Variants in ZNF444 observed in about 807,000 individuals in gnomAD.
The protein encoded by ZNF444 is endothelial zinc finger protein 2.
Under a neutral mutation model 14.4 loss-of-function variants are expected in ZNF444, and 8 were observed. The observed-to-expected ratio is 0.56, with a 90% CI of 0.33 to 1.00. The LOEUF (loss-of-function observed/expected upper bound fraction) is 1.00. Among genes scored for constraint, ZNF444 ranks in the 50% least tolerant of loss-of-function variants. ZNF444 has a pLI of 0.03. For synonymous variants in ZNF444, 258 were observed against 235.9 expected, an observed-to-expected ratio of 1.09 and a Z score of -0.86; for missense variants, 510 against 504.8, an observed-to-expected ratio of 1.01 and a Z score of -0.10.
upstream of ZNF444, among the ~76,000 whole-genome samples, chr19:56,138,792 CTTTTTTTTTTT>C (rs59273024): frequency 9.7e-5 from 9 of 92,872 alleles, no homozygotes; most frequent in African/African-American, 3.1e-4. Context: ...CTTGAATGTA[CTTTTTTTTTTT>C]TTTTTTTTTT....
At chr19:56,156,133 G>A (rs1465235294) in intron 3 of ZNF444, 6 of 152,266 alleles carry the variant, frequency 3.9e-5, no homozygotes, top group African/African-American at 1.4e-4. Flanking sequence ...ACAGCCAGAT[G>A]GAGAGCCACG....
intron 1 of ZNF444, among the ~76,000 whole-genome samples, chr19:56,133,342 G>C (rs662763): frequency 0.93 from 141,282 of 151,778 alleles, 66,391 homozygotes; most frequent in Non-Finnish European, 0.99. Flanking sequence ...CAAAGTGCTG[G>C]GATCACAGGC....
chr19:56,152,114 C>CT (rs2031618889), intron 3 of ZNF444, among the ~76,000 whole-genome samples: 2 of 152,178 alleles, frequency 1.3e-5, no homozygotes, highest in Non-Finnish European at 2.9e-5. Context: ...GGCAGATCAC[C>CT]TGAGGTCAGG....
chr19:56,148,344 C>T (rs1395805680), intron 3 of ZNF444, among the ~76,000 whole-genome samples: 1 of 152,132 alleles, frequency 6.6e-6, no homozygotes, highest in Non-Finnish European at 1.5e-5. Flanking sequence ...GCCTGAGTCC[C>T]CAGTGGCAGG....
upstream of ZNF444, among the ~76,000 whole-genome samples, chr19:56,137,074 T>C (rs528354625): frequency 6.7e-6 from 1 of 150,276 alleles, no homozygotes; most frequent in South Asian, 2.2e-4. Context: ...TGAGCCACTG[T>C]GCCCAGCCGA....
Position 56,159,898 on chromosome 19 carries a change from C to A in ZNF444, c.681C>A (p.Asp227Glu). ...AGGAGCACCTGCGGCGCCACCGCGACACGCACCCCGGCAGCCCCGGCAGCC... is the reference window on the plus strand; with the variant it reads ...AGGAGCACCTGCGGCGCCACCGCGAAACGCACCCCGGCAGCCCCGGCAGCC... Reference protein sequence around the residue: ...RRKEHLRRHRDTHPGSPGSPG... With the variant: ...RRKEHLRRHRETHPGSPGSPG... The change falls in exon 5 of 5, where the codon GAC becomes GAA. Residue 227 changes from aspartate to glutamate, a missense_variant. By Grantham distance (45) the Asp-to-Glu change is conservative. Coordinates refer to ENST00000337080, the MANE Select transcript of ZNF444 (RefSeq NM_018337.4). 1 of 1,520,954 alleles carries A rather than the reference C, an allele frequency of 6.6e-7. No individual in the cohort carries two copies. The highest frequency in any genetic ancestry group is 8.8e-7 in the Non-Finnish European group (1 of 1,140,016). 94.2% of individuals were successfully genotyped at this position (1,520,954 alleles called of 1,614,324 possible).
chr19:56,158,718 G>C, intron 4 of ZNF444, 116 bp downstream of exon 4: 2 of 978,192 alleles, frequency 2.0e-6, no homozygotes, highest in African/African-American at 1.7e-5. Flanking sequence ...CCCAGCCCTT[G>C]AGGAGCCCCG....
intron 4 of ZNF444, among the ~76,000 whole-genome samples, chr19:56,158,943 C>T (rs1454028323): frequency 1.3e-5 from 2 of 151,934 alleles, no homozygotes; most frequent in Non-Finnish European, 2.9e-5. Flanking sequence ...ACACCAATCC[C>T]ACCATCCCTC....
chr19:56,142,541 A>G (rs1167696258), intron 1 of ZNF444, among the ~76,000 whole-genome samples: 2 of 152,206 alleles, frequency 1.3e-5, no homozygotes, highest in African/African-American at 2.4e-5. Context: ...GCTGGTAGAC[A>G]TCGTATGTTG....
chr19:56,160,217 C>T lies in ZNF444; in HGVS notation c.*16C>T, dbSNP rs1029603173. 4 of 1,419,958 alleles carry T rather than the reference C, an allele frequency of 2.8e-6. No individual in the cohort carries two copies. Among genetic ancestry groups the T allele is most frequent in the Non-Finnish European group, 3.6e-6 (4 of 1,099,238 alleles). The allele number at this position is 1,419,958 out of a possible 1,614,324, so 88.0% of individuals were successfully genotyped here. On this transcript the variant is annotated 3_prime_UTR_variant, in exon 5 of 5. Transcript: ENST00000337080. ...CTTGGGTTAGCCGCCTCCCGGCCAGCGCCATCTCCCGCCCTTGGTGCTGCC... is the reference window on the plus strand; with the variant it reads ...CTTGGGTTAGCCGCCTCCCGGCCAGTGCCATCTCCCGCCCTTGGTGCTGCC...
upstream of ZNF444, among the ~76,000 whole-genome samples, chr19:56,136,352 G>A (rs901034049): frequency 1.3e-5 from 2 of 152,132 alleles, no homozygotes; most frequent in Non-Finnish European, 2.9e-5. Context: ...GATCCTTTGT[G>A]CCCATACAAC....
At chr19:56,132,935 C>CTTTCTTTTTTTTTTTTT (rs780382826) in intron 1 of ZNF444, among the ~76,000 whole-genome samples, 1 of 94,262 alleles carries the variant, frequency 1.1e-5, no homozygotes, top group Non-Finnish European at 1.9e-5. Context: ...TTCTTTCTTT[C>CTTTCTTTTTTTTTTTTT]TTTTTTTTTT....
rs572092583 is a variant in ZNF444 at position 56,147,246 on chromosome 19, G to A, written c.297+38G>A. The A allele has an allele frequency of 2.1e-6, 3 of 1,399,716 alleles. No individual in the cohort carries two copies. The African/African-American group carries it at 4.5e-5, about 21-fold the overall frequency. The allele number at this position is 1,399,716 out of a possible 1,614,324, so 86.7% of individuals were successfully genotyped here. ...GGACTGCAAGCGGGGAAGGGAGAGGGGAAGGTGCCAGGGAAGCCACCAGGA... is the reference window on the plus strand; with the variant it reads ...GGACTGCAAGCGGGGAAGGGAGAGGAGAAGGTGCCAGGGAAGCCACCAGGA... On this transcript the variant is annotated intron_variant, in intron 3 of 4. Coordinates refer to ENST00000337080, the MANE Select transcript of ZNF444 (RefSeq NM_018337.4). This position sits in a 1 kb window ranked among gnomAD's most constrained non-coding sequence, Gnocchi z 5.9.
Position 56,147,004 on chromosome 19 carries a change from G to A in ZNF444, c.93G>A (p.Ala31=). 4 of 1,452,322 alleles carry A rather than the reference G, an allele frequency of 2.8e-6. No individual in the cohort carries two copies. The highest frequency in any genetic ancestry group is 3.6e-6 in the Non-Finnish European group (4 of 1,110,942). The allele number at this position is 1,452,322 out of a possible 1,614,324, so 90.0% of individuals were successfully genotyped here. ...HRFRRFHLGD[A]PGPREALGLL... Reference sequence around the variant, plus strand: ...TCCGCCGCTTCCACCTGGGCGACGCGCCGGGCCCGCGGGAGGCGCTGGGGC... The same window carrying A: ...TCCGCCGCTTCCACCTGGGCGACGCACCGGGCCCGCGGGAGGCGCTGGGGC... The change falls in exon 3 of 5, where the codon GCG becomes GCA. Residue 31 remains alanine, a synonymous_variant. Transcript: ENST00000337080. This position sits in a 1 kb window ranked among gnomAD's most constrained non-coding sequence, Gnocchi z 5.9.
At chr19:56,159,498 C>G (rs2032132128) in intron 4 of ZNF444, 126 bp from the exon 5 acceptor site, 1 of 819,194 alleles carries the variant, frequency 1.2e-6, no homozygotes. Context: ...AAGCCCACAG[C>G]CCAGCCCTCT....
intron 3 of ZNF444, chr19:56,158,201 G>A (rs2032024672): frequency 7.2e-6 from 2 of 278,876 alleles, no homozygotes; most frequent in Non-Finnish European, 1.3e-5. Context: ...TCTGTGAGTG[G>A]CTTGGGCACG....
rs1240128556 is a variant in ZNF444 at position 56,158,616 on chromosome 19, C to G, written c.406+14C>G. On this transcript the variant is annotated intron_variant, in intron 4 of 4. Coordinates refer to ENST00000337080, the MANE Select transcript of ZNF444 (RefSeq NM_018337.4). ...TGATTCCCTTAGGTGAGCTGCTGGC[C>G]TCTCTGGTTCTCCCCGCCAGCCCCC... is the stretch of plus-strand genomic sequence containing the variant. 6.3e-7 allele frequency: 1 copy of G among 1,589,090 alleles called. No homozygotes were observed. The highest frequency in any genetic ancestry group is 8.6e-7 in the Non-Finnish European group (1 of 1,166,224).
intron 3 of ZNF444, among the ~76,000 whole-genome samples, chr19:56,149,041 C>T (rs879298966): frequency 5.6e-4 from 76 of 135,318 alleles, no homozygotes; most frequent in East Asian, 2.6e-3. Flanking sequence ...ATCACTCCTC[C>T]GACCTTGACC....
chr19:56,137,955 C>T (rs2030649419), upstream of ZNF444, among the ~76,000 whole-genome samples: 1 of 151,968 alleles, frequency 6.6e-6, no homozygotes, highest in Non-Finnish European at 1.5e-5. Flanking sequence ...AACCCCGTCT[C>T]TATTAAAATT....
Sources: gnomAD v4.1 joint callset for allele counts (sites outside exome capture counted in the v4.1 genomes callset) on GRCh38, gnomAD v4.1.1 for gene constraint, Gnocchi (gnomAD v3.1) non-coding constraint, MANE v1.5 for transcripts, NCBI Gene and HGNC (gene_info 2026-07-23, HGNC 2026-07-21) for gene names.